The following PHYHIPL variants were observed in gnomAD, a reference collection of about 807,000 sequenced individuals.
PHYHIPL encodes the protein phytanoyl-CoA 2-hydroxylase interacting protein like.
In PHYHIPL, 9 loss-of-function variants were observed where a neutral mutation model predicts 33.4. The ratio of observed to expected loss-of-function variants is 0.27; its 90% CI spans 0.16 to 0.47. The LOEUF (loss-of-function observed/expected upper bound fraction) is 0.47. Among genes scored for constraint, PHYHIPL ranks in the 20% least tolerant of loss-of-function variants. The pLI is 0.99. For synonymous variants in PHYHIPL, 153 were observed against 154.1 expected, an observed-to-expected ratio of 0.99 and a Z score of 0.05; for missense variants, 365 against 460.7, an observed-to-expected ratio of 0.79 and a Z score of 1.90.
intron 1 of PHYHIPL, among the ~76,000 whole-genome samples, chr10:59,230,039 T>C (rs1050663175): frequency 1.3e-5 from 2 of 152,156 alleles, no homozygotes; most frequent in South Asian, 2.1e-4. Context: ...GGTTTTTTTA[T>C]GCATAGATTG....
chr10:59,244,023 G>A (rs1400863542), intron 4 of PHYHIPL, among the ~76,000 whole-genome samples: 8 of 152,268 alleles, frequency 5.3e-5, no homozygotes, highest in South Asian at 4.1e-4. Context: ...GCCCTAAAGC[G>A]TGGAGGAAAT....
chr10:59,207,359 A>G (rs1839314635), intron 1 of PHYHIPL, among the ~76,000 whole-genome samples: 1 of 152,150 alleles, frequency 6.6e-6, no homozygotes, highest in Non-Finnish European at 1.5e-5. Context: ...AAAGGAAGCC[A>G]TGAGGGACTG....
At chr10:59,180,220 T>C (rs1041767850) in intron 1 of PHYHIPL, among the ~76,000 whole-genome samples, 1 of 147,138 alleles carries the variant, frequency 6.8e-6, no homozygotes, top group Non-Finnish European at 1.5e-5. Context: ...CACAGAATTT[T>C]ATATTACTTG....
At chr10:59,245,012 T>C in intron 4 of PHYHIPL, 45 bp from the exon 5 acceptor site, 1 of 1,544,642 alleles carries the variant, frequency 6.5e-7, no homozygotes, top group Non-Finnish European at 8.7e-7. Context: ...ATCAGTGGGT[T>C]TACCACTATT....
rs140480148 is a variant in PHYHIPL, at chr10:59,180,257, TAC to T, written c.106+3318_106+3319del. Among the ~76,000 whole-genome samples the T allele has an allele frequency of 3.8e-3, 451 of 118,902 alleles. 2 individuals carry two copies. Among genetic ancestry groups the T allele is most frequent in the Middle Eastern group, 4.9e-3 (1 of 204 alleles). The allele number at this position is 118,902 out of a possible 152,430, so 78.0% of individuals were successfully genotyped here. ...GCTTTTCGTCTTTTAATCATATATA[TAC>T]ACACACACACACACACACATACACA... On this transcript the variant is annotated intron_variant, in intron 1 of 4. Coordinates refer to ENST00000373880, the MANE Select transcript of PHYHIPL (RefSeq NM_032439.4).
At chr10:59,234,662 A>G (rs979243951) in intron 2 of PHYHIPL, among the ~76,000 whole-genome samples, 162 bp downstream of exon 2, 3 of 151,876 alleles carry the variant, frequency 2.0e-5, no homozygotes, top group African/African-American at 7.2e-5. Context: ...TCATTCTAAT[A>G]AGTTTTGTAA....
chr10:59,241,750 A>C (rs527563938), intron 4 of PHYHIPL, among the ~76,000 whole-genome samples: 4 of 152,200 alleles, frequency 2.6e-5, no homozygotes, highest in African/African-American at 9.6e-5. Context: ...AGATGGGTAG[A>C]TTCTCTTTTC....
chr10:59,226,659 A>C (rs1203914032), intron 1 of PHYHIPL, among the ~76,000 whole-genome samples: 1 of 152,200 alleles, frequency 6.6e-6, no homozygotes, highest in Non-Finnish European at 1.5e-5. Context: ...TTTTTAATAA[A>C]AATTTAAAAA....
At position 59,221,511 on chromosome 10, in the gene PHYHIPL, A is replaced by G. The variant is rs547449216; in HGVS notation, c.107-12793A>G. 7.9e-5 allele frequency among the ~76,000 whole-genome samples: 12 copies of G among 152,196 alleles called. No homozygotes were observed. In the South Asian group the frequency reaches 2.5e-3, roughly 32 times the overall value. ...GTGCTTCGGTTCACCTTTAGCATCA[A>G]TGATCACATCCATTTAAAATTGATT... On this transcript the variant is annotated intron_variant, in intron 1 of 4. Transcript: ENST00000373880.
intron 1 of PHYHIPL, among the ~76,000 whole-genome samples, chr10:59,185,094 CA>C (rs1290258692): frequency 1.3e-5 from 2 of 149,646 alleles, no homozygotes; most frequent in East Asian, 3.9e-4. Flanking sequence ...AGGTTCACGC[CA>C]TTCTCCTGCC....
chr10:59,206,319 T>C (rs1839283799), intron 1 of PHYHIPL, among the ~76,000 whole-genome samples: 1 of 152,214 alleles, frequency 6.6e-6, no homozygotes, highest in South Asian at 2.1e-4. Context: ...CTGCGTGTCA[T>C]ACTTTGTCTA....
intron 1 of PHYHIPL, among the ~76,000 whole-genome samples, chr10:59,201,030 C>T (rs186017712): frequency 1.1e-4 from 17 of 152,052 alleles, no homozygotes; most frequent in East Asian, 3.9e-4. Context: ...ATTGATATTT[C>T]GAAGGGTTTT....
At chr10:59,194,639 G>T (rs1838862607) in intron 1 of PHYHIPL, among the ~76,000 whole-genome samples, 1 of 152,168 alleles carries the variant, frequency 6.6e-6, no homozygotes, top group Admixed American at 6.5e-5. Context: ...TGTCAGTTCT[G>T]CAGTGTTCTT....
intron 1 of PHYHIPL, among the ~76,000 whole-genome samples, chr10:59,193,443 G>A (rs550794116): frequency 1.5e-4 from 23 of 152,214 alleles, no homozygotes; most frequent in African/African-American, 5.5e-4. Flanking sequence ...ACTCAAATTA[G>A]CAGAAAAACA....
chr10:59,233,488 GA>G (rs1252227496), intron 1 of PHYHIPL, among the ~76,000 whole-genome samples: 1 of 151,210 alleles, frequency 6.6e-6, no homozygotes, highest in Non-Finnish European at 1.5e-5. Flanking sequence ...AGGGAATGTA[GA>G]AAAAAATGGG....
At chr10:59,235,304 T>C (rs1030687933) in intron 2 of PHYHIPL, among the ~76,000 whole-genome samples, 2 of 151,898 alleles carry the variant, frequency 1.3e-5, no homozygotes, top group African/African-American at 4.8e-5. Context: ...TCACATATCA[T>C]ATATCTTTTC....
At chr10:59,242,575 C>T (rs1277938022) in intron 4 of PHYHIPL, among the ~76,000 whole-genome samples, 1 of 151,900 alleles carries the variant, frequency 6.6e-6, no homozygotes, top group Non-Finnish European at 1.5e-5. Flanking sequence ...ATCAAAGATA[C>T]AAAAACCAAA....
At chr10:59,224,792 A>C (rs1243349299) in intron 1 of PHYHIPL, among the ~76,000 whole-genome samples, 2 of 152,120 alleles carry the variant, frequency 1.3e-5, no homozygotes, top group Non-Finnish European at 2.9e-5. Context: ...CAAAATCAAA[A>C]CAATTCTCTT....
At chr10:59,242,576 A>C (rs1163207230) in intron 4 of PHYHIPL, among the ~76,000 whole-genome samples, 1 of 152,228 alleles carries the variant, frequency 6.6e-6, no homozygotes, top group Non-Finnish European at 1.5e-5. Flanking sequence ...TCAAAGATAC[A>C]AAAACCAAAA....
Sources: allele counts gnomAD v4.1 joint callset (sites outside exome capture counted in the v4.1 genomes callset), GRCh38; gene constraint gnomAD v4.1.1; transcripts MANE v1.5; gene names NCBI Gene and HGNC (gene_info 2026-07-23, HGNC 2026-07-21).